The following PRORP variants were observed in gnomAD, a reference collection of about 807,000 sequenced individuals.
PRORP encodes mitochondrial ribonuclease P catalytic subunit.
A neutral mutation model predicts 59.4 loss-of-function variants in PRORP; 51 were observed. The ratio of observed to expected loss-of-function variants is 0.86; its 90% CI spans 0.69 to 1.08. PRORP has a LOEUF of 1.08. Ranked by LOEUF, PRORP falls within the 50% of genes least tolerant of loss-of-function variation. The pLI, the probability that PRORP is intolerant of heterozygous loss-of-function variation, is 0.00. For missense variants in PRORP, 646 were observed against 690.3 expected, an observed-to-expected ratio of 0.94 and a Z score of 0.72; for synonymous variants, 231 against 245.6, an observed-to-expected ratio of 0.94 and a Z score of 0.55.
chr14:35,217,004 T>C (rs1279904589), intron 5 of PRORP, among the ~76,000 whole-genome samples: 1 of 152,210 alleles, frequency 6.6e-6, no homozygotes, highest in African/African-American at 2.4e-5. Flanking sequence ...TGATTTTCTT[T>C]TATTATTGAA....
chr14:35,180,794 C>T lies in PRORP; in HGVS notation c.1275+17C>T, dbSNP rs2048585858. The stretch of plus-strand genomic sequence containing the variant: ...TCTCAACTTGTAAGTATAAGTTTTA[C>T]TTTGTTATTCCACATCTCTAGAAAT... On this transcript the variant is annotated intron_variant, in intron 5 of 7. Coordinates refer to ENST00000534898, the MANE Select transcript of PRORP (RefSeq NM_014672.4). 2.8e-6 allele frequency: 4 copies of T among 1,442,642 alleles called. No individual in the cohort carries two copies. Among genetic ancestry groups the T allele is most frequent in the Non-Finnish European group, 2.9e-6 (3 of 1,026,496 alleles). 89.4% of individuals were successfully genotyped at this position (1,442,642 alleles called of 1,614,324 possible).
In PRORP at chr14:35,187,724, C is replaced by G. The variant is rs141848949; in HGVS notation, c.1275+6947C>G. 9.4e-3 allele frequency among the ~76,000 whole-genome samples: 1,425 copies of G among 152,250 alleles called. 24 individuals carry two copies. The highest frequency in any genetic ancestry group is 0.065 in the South Asian group (313 of 4,814). ...GGATTACAGGCGTGAGCCACCGCAC[C>G]TGGCCCAGTATCTTGTAGTTTTGAT... On this transcript the variant is annotated intron_variant, in intron 5 of 7. Transcript: ENST00000534898.
At chr14:35,243,544 A>G (rs2138555190) in intron 5 of PRORP, among the ~76,000 whole-genome samples, 1 of 152,076 alleles carries the variant, frequency 6.6e-6, no homozygotes, top group East Asian at 1.9e-4. Context: ...TAAAAAAAAA[A>G]AAAAGAATAA....
At chr14:35,177,686 A>G (rs916581007) in intron 4 of PRORP, among the ~76,000 whole-genome samples, 10 of 151,962 alleles carry the variant, frequency 6.6e-5, no homozygotes, top group African/African-American at 2.4e-4. Context: ...GATCTTTTCA[A>G]AAAACCAGCT....
intron 5 of PRORP, among the ~76,000 whole-genome samples, chr14:35,258,929 C>G (rs967654728): frequency 6.6e-6 from 1 of 152,174 alleles, no homozygotes; most frequent in African/African-American, 2.4e-5. Context: ...TTTAGCTATT[C>G]TACTTCCTTT....
At chr14:35,256,632 G>T (rs2050769078) in intron 5 of PRORP, among the ~76,000 whole-genome samples, 1 of 151,600 alleles carries the variant, frequency 6.6e-6, no homozygotes, top group African/African-American at 2.4e-5. Context: ...GCCTGGCCCT[G>T]TGCTTATCTT....
intron 4 of PRORP, among the ~76,000 whole-genome samples, chr14:35,166,448 C>CTT (rs55916577): frequency 2.1e-5 from 2 of 96,074 alleles, no homozygotes; most frequent in African/African-American, 7.8e-5. Context: ...TTATCTGAAT[C>CTT]TTTTTTTTTT....
At chr14:35,230,938 AACACACACACACACACACACAC>A (rs60270535) in intron 5 of PRORP, among the ~76,000 whole-genome samples, 1 of 144,466 alleles carries the variant, frequency 6.9e-6, no homozygotes, top group South Asian at 2.3e-4. Flanking sequence ...AGGAAAAGAG[AACACACACACACACACACACAC>A]ACACACACAC....
In PRORP at chr14:35,270,628, C is replaced by G; in HGVS notation, c.1620+32C>G. On this transcript the variant is annotated intron_variant, in intron 7 of 7. Transcript: ENST00000534898. ...GTACCTGTTCTTTATGTAATATTAA[C>G]AGAGTCAAGTATACAGTAAGAATGT... is the stretch of plus-strand genomic sequence containing the variant. The G allele has an allele frequency of 1.9e-6, 3 of 1,568,362 alleles. No homozygotes were observed. In the Admixed American group the frequency reaches 5.0e-5, roughly 26 times the overall value.
At chr14:35,271,520 A>G (rs915443108) in intron 7 of PRORP, among the ~76,000 whole-genome samples, 1 of 152,066 alleles carries the variant, frequency 6.6e-6, no homozygotes, top group Non-Finnish European at 1.5e-5. Flanking sequence ...CAAATTCTTT[A>G]TTTCTTATAG....
intron 5 of PRORP, among the ~76,000 whole-genome samples, chr14:35,259,164 T>C (rs2050834394): frequency 6.6e-6 from 1 of 152,258 alleles, no homozygotes; most frequent in South Asian, 2.1e-4. Flanking sequence ...AAGATTGCTA[T>C]GTTTTCTTAG....
At chr14:35,228,027 C>T (rs560520239) in intron 5 of PRORP, among the ~76,000 whole-genome samples, 2 of 152,240 alleles carry the variant, frequency 1.3e-5, no homozygotes, top group East Asian at 3.9e-4. Context: ...CCTGTAGTCC[C>T]AGCTACTTGG....
intron 4 of PRORP, 146 bp from the exon 5 acceptor site, chr14:35,180,524 A>ATGTGTG: frequency 2.4e-6 from 1 of 422,286 alleles, no homozygotes; most frequent in Admixed American, 5.1e-5. Flanking sequence ...TTTGTAGAGT[A>ATGTGTG]TCTGTGTGTG....
intron 5 of PRORP, among the ~76,000 whole-genome samples, chr14:35,256,815 C>T (rs575210111): frequency 6.6e-6 from 1 of 151,658 alleles, no homozygotes; most frequent in African/African-American, 2.4e-5. Flanking sequence ...CATGGCAGTT[C>T]ATTATGCTAT....
chr14:35,192,443 G>A (rs1024195071), intron 5 of PRORP, among the ~76,000 whole-genome samples: 1 of 152,132 alleles, frequency 6.6e-6, no homozygotes, highest in Non-Finnish European at 1.5e-5. Context: ...TCTTTGCCTG[G>A]ATTGTCTTTT....
Position 35,202,218 on chromosome 14 carries a change from A to C in PRORP, c.1275+21441A>C, listed in dbSNP as rs183349202. On this transcript the variant is annotated intron_variant, in intron 5 of 7. Transcript: ENST00000534898. ...GTGATCCGCTCGCCTCAGCCTCCCA[A>C]GTGCTGAGATTACAGGCATGAGCCA... is the stretch of plus-strand genomic sequence containing the variant. Among the ~76,000 whole-genome samples the C allele has an allele frequency of 1.7e-3, 257 of 151,916 alleles. 2 individuals are homozygous for C. Among genetic ancestry groups the C allele is most frequent in the African/African-American group, 5.9e-3 (245 of 41,448 alleles).
At position 35,262,681 on chromosome 14, in the gene PRORP, G is replaced by T. The variant is rs957453701; in HGVS notation, c.1276-4046G>T. On this transcript the variant is annotated intron_variant, in intron 5 of 7. Coordinates refer to ENST00000534898, the MANE Select transcript of PRORP (RefSeq NM_014672.4). ...CTGGCTGCCGTTCAGACTATTTGTA[G>T]TCATGTACAGAACATGATCAAGGGT... is the stretch of plus-strand genomic sequence containing the variant. The T allele has an allele frequency of 2.3e-5, 18 of 790,800 alleles. No individual in the cohort carries two copies. In the South Asian group the frequency reaches 2.4e-4, roughly 11 times the overall value. The allele number at this position is 790,800 out of a possible 1,614,324, so 49.0% of individuals were successfully genotyped here.
intron 5 of PRORP, among the ~76,000 whole-genome samples, chr14:35,246,129 G>T (rs1256444653): frequency 6.6e-6 from 1 of 152,060 alleles, no homozygotes; most frequent in African/African-American, 2.4e-5. Context: ...AGTTTTTGGA[G>T]TCTTCTTTTT....
chr14:35,180,712 T>G lies in PRORP; in HGVS notation c.1210T>G (p.Phe404Val). ...GAACTTCATAAAATCTCGTCCTCCT[T>G]TTGATGTTGTCATTGATGGTCTCAA... ...FENFIKSRPP[F>V]DVVIDGLNVA... is the part of the protein sequence containing the mutation. Residue 404 changes from phenylalanine to valine, a missense_variant, in exon 5 of 8, where the codon TTT becomes GTT. Transcript: ENST00000534898. 1 of 1,613,224 alleles carries G rather than the reference T, an allele frequency of 6.2e-7. No individual in the cohort carries two copies. Among genetic ancestry groups the G allele is most frequent in the South Asian group, 1.1e-5 (1 of 90,954 alleles).
Sources: gnomAD v4.1 joint callset for allele counts (sites outside exome capture counted in the v4.1 genomes callset) on GRCh38, gnomAD v4.1.1 for gene constraint, MANE v1.5 for transcripts, NCBI Gene and HGNC (gene_info 2026-07-23, HGNC 2026-07-21) for gene names.